MGAM2: variants seen among roughly 807,000 people sequenced by gnomAD.
The protein encoded by MGAM2 is probable maltase-glucoamylase 2.
In MGAM2, 98 loss-of-function variants were observed where a neutral mutation model predicts 96.1. The ratio of observed to expected loss-of-function variants is 1.02; its 90% CI spans 0.87 to 1.21. MGAM2 has a LOEUF of 1.21. Among genes scored for constraint, MGAM2 ranks in the 50% most tolerant of loss-of-function variants. The pLI is 0.00. For missense variants in MGAM2, 2,055 were observed against 1,182.4 expected (o/e 1.74, Z -10.82); for synonymous variants, 749 against 414.8 (o/e 1.81, Z -9.79).
chr7:142,221,128 C>T lies in MGAM2; in HGVS notation c.6617C>T (p.Ser2206Phe). 1.4e-6 allele frequency: 1 copy of T among 702,494 alleles called. No homozygotes were observed. Among genetic ancestry groups the T allele is most frequent in the East Asian group, 2.7e-5 (1 of 37,238 alleles). The allele number at this position is 702,494 out of a possible 1,614,324, so 43.5% of individuals were successfully genotyped here. The change falls in exon 48 of 48, where the codon TCT (serine) becomes TTT (phenylalanine). Residue 2206 changes from serine to phenylalanine, a missense_variant. Physicochemically the swap from Ser to Phe is radical, Grantham distance 155 (BLOSUM62 -2). Transcript: ENST00000477922. ...NSFSIMTTSFSESTNAMNTTV... is the reference protein window; with the variant it reads ...NSFSIMTTSFFESTNAMNTTV... ...TTTTCCATTATGACCACTTCTTTCTCTGAAAGTACTAATGCTATGAACACT... is the reference window on the plus strand; with the variant it reads ...TTTTCCATTATGACCACTTCTTTCTTTGAAAGTACTAATGCTATGAACACT...
In MGAM2 at chr7:142,166,080, G is replaced by T; in HGVS notation, c.2653-18G>T. The T allele has an allele frequency of 1.5e-6, 1 of 672,890 alleles. No individual in the cohort carries two copies. The highest frequency in any genetic ancestry group is 1.6e-5 in the South Asian group (1 of 61,568). 41.7% of individuals were successfully genotyped at this position (672,890 alleles called of 1,614,324 possible). A position where few individuals can be genotyped will look rare whatever the true frequency, so the allele number is the denominator to read the frequency against. ...TTTCCCTCCCTTCCTTTGTCACTGT[G>T]ACTGTCTCTTTCCCCAGGTGGTAAC... On this transcript the variant is annotated intron_variant, in intron 24 of 47. Coordinates refer to ENST00000477922, the MANE Select transcript of MGAM2 (RefSeq NM_001293626.2).
intron 2 of MGAM2, among the ~76,000 whole-genome samples, chr7:142,119,418 C>T (rs1211246748): frequency 6.6e-6 from 1 of 152,074 alleles, no homozygotes; most frequent in Non-Finnish European, 1.5e-5. Context: ...CAGATAAAAA[C>T]AAGTGTTGTT....
At chr7:142,158,160 A>G in intron 18 of MGAM2, 69 bp downstream of exon 18, 1 of 699,612 alleles carries the variant, frequency 1.4e-6, no homozygotes, top group Non-Finnish European at 2.6e-6. Context: ...TGTGGTAGCA[A>G]GGTTAGTTAG....
intron 45 of MGAM2, among the ~76,000 whole-genome samples, chr7:142,206,540 A>G (rs561205744): frequency 2.0e-5 from 3 of 152,348 alleles, no homozygotes; most frequent in Admixed American, 2.0e-4. Flanking sequence ...TAGATGAGTG[A>G]TGTCATAGTA....
Position 142,222,095 on chromosome 7 carries a change from G to C in MGAM2, c.*36G>C. 2.5e-6 allele frequency: 1 copy of C among 397,828 alleles called. No homozygotes were observed. Among genetic ancestry groups the C allele is most frequent in the Non-Finnish European group, 4.4e-6 (1 of 225,542 alleles). The allele number at this position is 397,828 out of a possible 1,614,324, so 24.6% of individuals were successfully genotyped here. On this transcript the variant is annotated 3_prime_UTR_variant, in exon 48 of 48. Coordinates refer to ENST00000477922, the MANE Select transcript of MGAM2 (RefSeq NM_001293626.2). ...AGGCAGGATAGTTACCTCAGATAAC[G>C]CCTACAAACAACTATTACAGATATA... is the stretch of plus-strand genomic sequence containing the variant.
rs1795666091 is a variant in MGAM2 at position 142,154,126 on chromosome 7, A to G, written c.1743A>G (p.Thr581=). ...AAHWLGDNAA[T]WDDLRWSIPT... ...ATTGGCTGGGGGACAATGCGGCCAC[A>G]TGGGATGACCTCCGATGGTCTATCC... Residue 581 remains threonine (T), a synonymous_variant, in exon 16 of 48, where the codon ACA becomes ACG. Coordinates refer to ENST00000477922, the MANE Select transcript of MGAM2 (RefSeq NM_001293626.2). 1 of 691,072 alleles carries G rather than the reference A, an allele frequency of 1.4e-6. No individual in the cohort carries two copies. The highest frequency in any genetic ancestry group is 2.7e-6 in the Non-Finnish European group (1 of 376,410). The allele number at this position is 691,072 out of a possible 1,614,324, so 42.8% of individuals were successfully genotyped here. A position where few individuals can be genotyped will look rare whatever the true frequency, so the allele number is the denominator to read the frequency against.
chr7:142,170,321 C>T, intron 27 of MGAM2, 92 bp downstream of exon 27: 1 of 567,578 alleles, frequency 1.8e-6, no homozygotes, highest in Non-Finnish European at 3.2e-6. Flanking sequence ...ATCTCAGAGA[C>T]TCTATGGAAA....
Position 142,170,145 on chromosome 7 carries a change from AC to A in MGAM2, c.3101del (p.Pro1034LeufsTer27), listed in dbSNP as rs1037916368. On this transcript the variant is annotated frameshift_variant, in exon 27 of 48. Coordinates refer to ENST00000477922, the MANE Select transcript of MGAM2 (RefSeq NM_001293626.2). LOFTEE classifies it high-confidence loss of function. Reference sequence around the variant, plus strand: ...AACACCCCTCCCCAACCAGTTGGTGACCCTGAAAACCGTCTGTATGATGTCA... The same window carrying A: ...AACACCCCTCCCCAACCAGTTGGTGACCTGAAAACCGTCTGTATGATGTCA... ...PLNTPPQPVG[D>X]PENRLYDVRI... The A allele has an allele frequency of 1.4e-6, 1 of 702,840 alleles. No homozygotes were observed. The highest frequency in any genetic ancestry group is 2.0e-5 in the Admixed American group (1 of 49,990). 43.5% of individuals were successfully genotyped at this position (702,840 alleles called of 1,614,324 possible).
At position 142,143,883 on chromosome 7, in the gene MGAM2, G is replaced by T. The variant is rs1795309501; in HGVS notation, c.1431+1G>T. On this transcript the variant is annotated splice_donor_variant, in intron 13 of 47. Transcript: ENST00000477922. LOFTEE classifies it high-confidence loss of function. ...TCTGGAGTTTGATGGAGTGTGGATT[G>T]TAAGTTATTATTCCTGACTCAAATT... The T allele has an allele frequency of 2.8e-6, 2 of 702,482 alleles. No individual in the cohort carries two copies. Among genetic ancestry groups the T allele is most frequent in the African/African-American group, 1.7e-5 (1 of 57,242 alleles). 43.5% of individuals were successfully genotyped at this position (702,482 alleles called of 1,614,324 possible).
At chr7:142,129,923 T>C (rs1563250366) in intron 3 of MGAM2, among the ~76,000 whole-genome samples, 1 of 150,160 alleles carries the variant, frequency 6.7e-6, no homozygotes, top group Non-Finnish European at 1.5e-5. Context: ...TTTGCTGTTT[T>C]ATAAACAGAT....
At chr7:142,120,557 G>T (rs1794539844) in intron 3 of MGAM2, among the ~76,000 whole-genome samples, 176 bp downstream of exon 3, 1 of 151,864 alleles carries the variant, frequency 6.6e-6, no homozygotes, top group Admixed American at 6.5e-5. Context: ...AAGCAGGGTT[G>T]AAAAAAAGGA....
chr7:142,197,771 T>A (rs1160444196), intron 42 of MGAM2, 43 bp downstream of exon 42: 1 of 702,452 alleles, frequency 1.4e-6, no homozygotes, highest in East Asian at 2.7e-5. Flanking sequence ...AATCACATGA[T>A]CTAAAATCAT....
chr7:142,186,375 G>T (rs1329416635), intron 35 of MGAM2, among the ~76,000 whole-genome samples: 1 of 152,126 alleles, frequency 6.6e-6, no homozygotes, highest in East Asian at 1.9e-4. Context: ...CAGAGCAAAA[G>T]AGAAAGGGAG....
chr7:142,146,980 G>A (rs749825336), intron 14 of MGAM2, among the ~76,000 whole-genome samples: 31 of 151,944 alleles, frequency 2.0e-4, no homozygotes, highest in Non-Finnish European at 2.9e-4. Flanking sequence ...CACCTGCCTC[G>A]GCCTCCCAAA....
intron 3 of MGAM2, among the ~76,000 whole-genome samples, chr7:142,122,617 A>G (rs1794611809): frequency 6.6e-6 from 1 of 152,248 alleles, no homozygotes; most frequent in Non-Finnish European, 1.5e-5. Context: ...GAATGGAATC[A>G]CATAGCGTAG....
At chr7:142,187,191 C>G (rs1305564844) in intron 35 of MGAM2, among the ~76,000 whole-genome samples, 1 of 152,172 alleles carries the variant, frequency 6.6e-6, no homozygotes, top group African/African-American at 2.4e-5. Flanking sequence ...AAACTTGTTT[C>G]TGAGTTACAT....
Position 142,167,332 on chromosome 7 carries a change from A to G in MGAM2, c.2873A>G (p.Asp958Gly), listed in dbSNP as rs148832741. The G allele has an allele frequency of 2.4e-3, 1,664 of 702,876 alleles. 20 individuals are homozygous for G. The African/African-American group carries it at 0.026, about 11-fold the overall frequency. 43.5% of individuals were successfully genotyped at this position (702,876 alleles called of 1,614,324 possible). A position where few individuals can be genotyped will look rare whatever the true frequency, so the allele number is the denominator to read the frequency against. Residue 958 changes from aspartate to glycine, a missense_variant, in exon 26 of 48, where the codon GAT (aspartate) becomes GGT (glycine). Asp to Gly is a moderately conservative substitution (Grantham distance 94). Coordinates refer to ENST00000477922, the MANE Select transcript of MGAM2 (RefSeq NM_001293626.2). ...ACCATCCCTAATTATGTTGCTAGTG[A>G]TATTCAGTACCTGAACACCAGCATC... Reference protein sequence around the residue: ...YDTIPNYVASDIQYLNTSITA... With the variant: ...YDTIPNYVASGIQYLNTSITA...
chr7:142,190,835 T>C (rs76383126), intron 37 of MGAM2, among the ~76,000 whole-genome samples: 1 of 152,148 alleles, frequency 6.6e-6, no homozygotes, highest in Admixed American at 6.5e-5. Flanking sequence ...TCATTTTTTT[T>C]AATTATTATT....
intron 6 of MGAM2, among the ~76,000 whole-genome samples, chr7:142,133,208 A>G (rs1357005275): frequency 7.0e-6 from 1 of 142,590 alleles, no homozygotes; most frequent in Non-Finnish European, 1.5e-5. Flanking sequence ...AAATATAAAT[A>G]TATAAATATA....
Sources: allele counts gnomAD v4.1 joint callset (sites outside exome capture counted in the v4.1 genomes callset), GRCh38; gene constraint gnomAD v4.1.1; transcripts MANE v1.5; gene names NCBI Gene and HGNC (gene_info 2026-07-23, HGNC 2026-07-21).